Variants in CSNK1G3 observed in about 807,000 individuals in gnomAD.
The protein encoded by CSNK1G3 is casein kinase I isoform gamma-3.
A neutral mutation model predicts 64.3 loss-of-function variants in CSNK1G3; 23 were observed. The observed-to-expected ratio is 0.36, with a 90% CI of 0.26 to 0.51. The LOEUF (loss-of-function observed/expected upper bound fraction) is 0.51, where lower values mean the gene tolerates loss of function less well. Among genes scored for constraint, CSNK1G3 ranks in the 20% least tolerant of loss-of-function variants. CSNK1G3 has a pLI of 0.96. For synonymous variants in CSNK1G3, 158 were observed against 162.2 expected (o/e 0.97, Z 0.20); for missense variants, 357 against 510.5 (o/e 0.70, Z 2.90).
At chr5:123,548,755 GATA>G (rs1157070568) in intron 2 of CSNK1G3, among the ~76,000 whole-genome samples, 1 of 151,250 alleles carries the variant, frequency 6.6e-6, no homozygotes, top group Non-Finnish European at 1.5e-5. Flanking sequence ...AAAAAAAAAT[GATA>G]ATAAGGAAGG....
intron 10 of CSNK1G3, among the ~76,000 whole-genome samples, chr5:123,600,744 A>G (rs934660608): frequency 6.6e-6 from 1 of 152,112 alleles, no homozygotes; most frequent in South Asian, 2.1e-4. Flanking sequence ...TAAAAATACT[A>G]TATGTTATGT....
chr5:123,521,083 A>T (rs1006849554), intron 1 of CSNK1G3, among the ~76,000 whole-genome samples: 1 of 152,120 alleles, frequency 6.6e-6, no homozygotes, highest in Non-Finnish European at 1.5e-5. Flanking sequence ...AATTTGGAGT[A>T]CAAAAATAGT....
At chr5:123,541,640 C>T (rs1581009951) in intron 1 of CSNK1G3, among the ~76,000 whole-genome samples, 1 of 152,118 alleles carries the variant, frequency 6.6e-6, no homozygotes, top group Admixed American at 6.6e-5. Context: ...CCATGTTGCC[C>T]AGGCTGGTCT....
intron 2 of CSNK1G3, among the ~76,000 whole-genome samples, chr5:123,550,391 G>T (rs1158364952): frequency 6.6e-6 from 1 of 152,160 alleles, no homozygotes. Flanking sequence ...TGGAAGTGAG[G>T]AGGAACATAC....
chr5:123,579,110 C>A (rs1307931524), intron 6 of CSNK1G3, among the ~76,000 whole-genome samples: 2 of 151,820 alleles, frequency 1.3e-5, no homozygotes, highest in Admixed American at 1.3e-4. Flanking sequence ...AAATCCTGAT[C>A]TTAGCTTTTC....
chr5:123,560,650 C>A (rs375493205), intron 4 of CSNK1G3, among the ~76,000 whole-genome samples: 1 of 152,088 alleles, frequency 6.6e-6, no homozygotes, highest in Non-Finnish European at 1.5e-5. Flanking sequence ...GAGGTCAAGG[C>A]TGCAATGAGC....
intron 12 of CSNK1G3, among the ~76,000 whole-genome samples, chr5:123,613,651 C>A (rs1382492403): frequency 1.3e-5 from 2 of 152,062 alleles, no homozygotes; most frequent in Admixed American, 1.3e-4. Flanking sequence ...GGATTACAGG[C>A]ATGAGCCACT....
chr5:123,524,210 C>T (rs1778640429), intron 1 of CSNK1G3, among the ~76,000 whole-genome samples: 1 of 152,070 alleles, frequency 6.6e-6, no homozygotes, highest in Admixed American at 6.5e-5. Context: ...GTTGAAAACT[C>T]TCCTGGGTTT....
intron 1 of CSNK1G3, among the ~76,000 whole-genome samples, chr5:123,528,297 C>T (rs1209190393): frequency 6.6e-6 from 1 of 152,020 alleles, no homozygotes; most frequent in African/African-American, 2.4e-5. Context: ...TATAAATTGC[C>T]TGCCTGCCCA....
intron 1 of CSNK1G3, among the ~76,000 whole-genome samples, chr5:123,524,977 T>C (rs1449181579): frequency 6.6e-6 from 1 of 152,150 alleles, no homozygotes; most frequent in Non-Finnish European, 1.5e-5. Context: ...GTGAACCTTA[T>C]AGGTAGCCAT....
intron 4 of CSNK1G3, among the ~76,000 whole-genome samples, chr5:123,561,257 A>G (rs1354772215): frequency 1.3e-5 from 2 of 152,170 alleles, no homozygotes; most frequent in African/African-American, 4.8e-5. Context: ...TCTACTCAGT[A>G]TTCGTTGAGT....
exon 13 of CSNK1G3, chr5:123,615,845 C>A (rs1344863315): frequency 1.3e-5 from 2 of 152,018 alleles, no homozygotes; most frequent in Non-Finnish European, 2.9e-5. Context: ...TAAGTGTGTG[C>A]CTCCAGGCAT....
chr5:123,518,999 A>C (rs1777642138), intron 1 of CSNK1G3, among the ~76,000 whole-genome samples: 1 of 152,180 alleles, frequency 6.6e-6, no homozygotes, highest in East Asian at 1.9e-4. Flanking sequence ...GCCTCAAGTG[A>C]TCTGCCTGCC....
At chr5:123,592,828 CATAAATTACTTCATAT>C (rs1792643430) in intron 10 of CSNK1G3, among the ~76,000 whole-genome samples, 1 of 151,534 alleles carries the variant, frequency 6.6e-6, no homozygotes, top group African/African-American at 2.4e-5. Context: ...GCATCTCATA[CATAAATTACTTCATAT>C]ATAAATTAAA....
intron 2 of CSNK1G3, 66 bp from the exon 3 acceptor site, chr5:123,553,041 C>T (rs1337140088): frequency 1.2e-6 from 1 of 856,328 alleles, no homozygotes; most frequent in Non-Finnish European, 1.8e-6. Flanking sequence ...TTTCAGAGTA[C>T]AGTTTTATAT....
At chr5:123,563,068 A>G (rs1186295367) in intron 4 of CSNK1G3, among the ~76,000 whole-genome samples, 2 of 152,078 alleles carry the variant, frequency 1.3e-5, no homozygotes, top group African/African-American at 4.8e-5. Flanking sequence ...AGAAACTGCA[A>G]TTAATGCATT....
chr5:123,516,877 A>G (rs533895381), intron 1 of CSNK1G3, among the ~76,000 whole-genome samples: 12 of 152,266 alleles, frequency 7.9e-5, no homozygotes, highest in African/African-American at 2.6e-4. Flanking sequence ...AATTTATTAC[A>G]TTTATTTAGA....
chr5:123,515,837 A>G (rs1185034445), intron 1 of CSNK1G3, among the ~76,000 whole-genome samples: 1 of 152,192 alleles, frequency 6.6e-6, no homozygotes, highest in Non-Finnish European at 1.5e-5. Context: ...CCTATAATTT[A>G]TTAAGTGCCT....
chr5:123,575,629 A>C (rs781230428), intron 5 of CSNK1G3, 100 bp from the exon 6 acceptor site: 58 of 689,512 alleles, frequency 8.4e-5, no homozygotes, highest in Non-Finnish European at 1.2e-4. Context: ...TTTCTGATTT[A>C]TTTCTTTTGT....
Sources: gnomAD v4.1 joint callset for allele counts (sites outside exome capture counted in the v4.1 genomes callset) on GRCh38, gnomAD v4.1.1 for gene constraint, MANE v1.5 for transcripts, NCBI Gene and HGNC (gene_info 2026-07-23, HGNC 2026-07-21) for gene names.